PPFIBP2: variants seen among roughly 807,000 people sequenced by gnomAD.
PPFIBP2 encodes the protein PPFIB scaffold protein 2, also known as liprin-beta-2.
Under a neutral mutation model 118.3 loss-of-function variants are expected in PPFIBP2, and 118 were observed. The observed-to-expected ratio is 1.00, with a 90% CI of 0.86 to 1.16. The LOEUF is 1.16. PPFIBP2 is among the 50% of genes most tolerant of loss of function. PPFIBP2 has a pLI of 0.00. For synonymous variants in PPFIBP2, 414 were observed against 397.4 expected (o/e 1.04, Z -0.50); for missense variants, 1,195 against 1,073.1 (o/e 1.11, Z -1.59).
intron 8 of PPFIBP2, among the ~76,000 whole-genome samples, chr11:7,627,144 C>A (rs901295888): frequency 2.6e-5 from 4 of 152,218 alleles, no homozygotes; most frequent in African/African-American, 9.6e-5. Flanking sequence ...CCAGGCCCTA[C>A]CCCACTCCAT....
At chr11:7,631,833 A>G (rs1850801705) in intron 11 of PPFIBP2, among the ~76,000 whole-genome samples, 2 of 152,210 alleles carry the variant, frequency 1.3e-5, no homozygotes, top group Non-Finnish European at 2.9e-5. Flanking sequence ...CTTACTGGAT[A>G]CCTCCACGTG....
intron 6 of PPFIBP2, among the ~76,000 whole-genome samples, chr11:7,618,999 C>A (rs1849029600): frequency 6.7e-6 from 1 of 149,254 alleles, no homozygotes; most frequent in African/African-American, 2.5e-5. Context: ...GCAATGTCAA[C>A]TTTGTGGTGG....
intron 3 of PPFIBP2, among the ~76,000 whole-genome samples, chr11:7,572,872 C>G (rs534317113): frequency 1.3e-5 from 2 of 152,312 alleles, no homozygotes; most frequent in Non-Finnish European, 2.9e-5. Context: ...CTCCACCTCC[C>G]AGGTTCAAGC....
chr11:7,666,541 C>A, the PPFIBP2 span: 1 of 1,612,626 alleles, frequency 6.2e-7, no homozygotes, highest in Admixed American at 1.7e-5. Flanking sequence ...ACCAAGATAT[C>A]CTCCTCTGTC....
intron 5 of PPFIBP2, among the ~76,000 whole-genome samples, chr11:7,608,939 T>C (rs1847736737): frequency 6.6e-6 from 1 of 152,222 alleles, no homozygotes; most frequent in African/African-American, 2.4e-5. Context: ...CACCTCTGCC[T>C]TGTGAGCCAG....
rs116152878 is a variant in PPFIBP2 at position 7,653,272 on chromosome 11, G to A, written c.*54G>A. 43,230 of 1,608,386 alleles carry A rather than the reference G, an allele frequency of 0.027. 674 individuals carry two copies. Among genetic ancestry groups the A allele is most frequent in the Non-Finnish European group, 0.03 (35,686 of 1,178,066 alleles). ...CTGAGAGCTCACAGTAACACTGTGT[G>A]TGTCACCATATAACTGCACCTCACC... On this transcript the variant is annotated 3_prime_UTR_variant, in exon 24 of 24. Transcript: ENST00000299492.
At chr11:7,549,080 T>C (rs1176047888) in intron 1 of PPFIBP2, among the ~76,000 whole-genome samples, 1 of 152,218 alleles carries the variant, frequency 6.6e-6, no homozygotes. Context: ...TTAGGTGTGC[T>C]GCTCTCCTAC....
chr11:7,582,790 GTA>G (rs1200140542), intron 3 of PPFIBP2, among the ~76,000 whole-genome samples: 44 of 151,170 alleles, frequency 2.9e-4, no homozygotes, highest in South Asian at 2.1e-4. Context: ...AAATGTAACT[GTA>G]TTTCAGCATC....
intron 1 of PPFIBP2, among the ~76,000 whole-genome samples, chr11:7,535,530 A>C (rs1851126160): frequency 6.6e-6 from 1 of 152,226 alleles, no homozygotes; most frequent in African/African-American, 2.4e-5. Flanking sequence ...AACCTCTCCA[A>C]GCTTCAGTTT....
intron 11 of PPFIBP2, chr11:7,631,326 A>T (rs1238691888): frequency 3.7e-6 from 1 of 272,498 alleles, no homozygotes; most frequent in East Asian, 7.0e-5. Flanking sequence ...GTAAGCATAG[A>T]CCAAAGGTGA....
chr11:7,596,551 C>T (rs756569530), intron 4 of PPFIBP2, among the ~76,000 whole-genome samples: 20 of 152,028 alleles, frequency 1.3e-4, no homozygotes, highest in African/African-American at 3.4e-4. Flanking sequence ...TTTAAACAGG[C>T]GCTTTATAAT....
intron 6 of PPFIBP2, 98 bp from the exon 7 acceptor site, chr11:7,620,837 T>C: frequency 1.2e-6 from 1 of 801,536 alleles, no homozygotes; most frequent in Non-Finnish European, 2.2e-6. Flanking sequence ...GAGCTTGATG[T>C]GGTTGCTGCA....
At chr11:7,545,953 C>T (rs1173438780) in intron 1 of PPFIBP2, among the ~76,000 whole-genome samples, 9 of 152,250 alleles carry the variant, frequency 5.9e-5, no homozygotes, top group Non-Finnish European at 2.9e-5. Flanking sequence ...CTGAGCGACC[C>T]ATGATTGGAT....
intron 23 of PPFIBP2, 63 bp from the exon 24 acceptor site, chr11:7,652,961 G>A (rs936996673): frequency 2.0e-6 from 3 of 1,500,394 alleles, no homozygotes; most frequent in Admixed American, 4.1e-5. Flanking sequence ...TAAGTATATT[G>A]TCAGTCATAC....
At chr11:7,549,379 C>G in intron 1 of PPFIBP2, 61 bp from the exon 2 acceptor site, 5 of 1,439,180 alleles carry the variant, frequency 3.5e-6, no homozygotes, top group Non-Finnish European at 1.9e-6. Context: ...TTTTTGCGAT[C>G]TTGTGTGCGT....
intron 2 of PPFIBP2, among the ~76,000 whole-genome samples, chr11:7,564,844 T>C (rs1854769816): frequency 6.6e-6 from 1 of 152,196 alleles, no homozygotes; most frequent in South Asian, 2.1e-4. Flanking sequence ...GTTAGACCTC[T>C]TAAGGCCCAG....
chr11:7,608,724 CTT>C (rs1442025182), intron 5 of PPFIBP2, among the ~76,000 whole-genome samples: 3 of 152,264 alleles, frequency 2.0e-5, no homozygotes, highest in Non-Finnish European at 4.4e-5. Context: ...TGTACTCTCT[CTT>C]GGCCTGTTTC....
chr11:7,553,163 ACTT>A (rs1489649223), intron 2 of PPFIBP2, among the ~76,000 whole-genome samples: 2 of 152,070 alleles, frequency 1.3e-5, no homozygotes, highest in African/African-American at 4.8e-5. Flanking sequence ...TGCATACTGA[ACTT>A]CATTTATTTT....
chr11:7,589,611 CA>C lies in PPFIBP2; in HGVS notation c.280-3508del, dbSNP rs56678642. 4.0e-3 allele frequency among the ~76,000 whole-genome samples: 571 copies of C among 142,146 alleles called. 6 individuals are homozygous for C. The highest frequency in any genetic ancestry group is 0.013 in the African/African-American group (490 of 38,534). The allele number at this position is 142,146 out of a possible 152,430, so 93.3% of individuals were successfully genotyped here. On this transcript the variant is annotated intron_variant, in intron 3 of 23. Transcript: ENST00000299492. ...TGTCTCAAAAAGAACAACCCCCTCC[CA>C]AAAAAAAAAAAACCTCAGAAAATTA... is the stretch of plus-strand genomic sequence containing the variant.
Sources: allele counts gnomAD v4.1 joint callset (sites outside exome capture counted in the v4.1 genomes callset), GRCh38; gene constraint gnomAD v4.1.1; transcripts MANE v1.5; gene names NCBI Gene and HGNC (gene_info 2026-07-23, HGNC 2026-07-21).